Variants in TBC1D5 observed in about 807,000 individuals in gnomAD.
TBC1D5 encodes the protein TBC1 domain family, member 5.
TBC1D5 carries 75 observed loss-of-function variants against 100.3 expected under a neutral mutation model. The ratio of observed to expected loss-of-function variants is 0.75; its 90% CI spans 0.62 to 0.91. The LOEUF (loss-of-function observed/expected upper bound fraction) is 0.91, where lower values mean the gene tolerates loss of function less well. Ranked by LOEUF, TBC1D5 falls within the 40% of genes least tolerant of loss-of-function variation. The pLI, the probability that TBC1D5 is intolerant of heterozygous loss-of-function variation, is 0.00. For missense variants in TBC1D5, 910 were observed against 942.4 expected, an observed-to-expected ratio of 0.97 and a Z score of 0.45; for synonymous variants, 323 against 325.6, an observed-to-expected ratio of 0.99 and a Z score of 0.09.
At position 17,263,660 on chromosome 3, in the gene TBC1D5, A is replaced by G. The variant is rs537623587; in HGVS notation, c.1246-5069T>C. ...TGAACATCAAACCCATGGCAGGGAC[A>G]GGCTGAATTTTGGGCAGGTATCTTA... is the stretch of plus-strand genomic sequence containing the variant. On this transcript the variant is annotated intron_variant, in intron 15 of 21. Coordinates refer to ENST00000253692, the Ensembl canonical transcript of TBC1D5. Among the ~76,000 whole-genome samples the G allele has an allele frequency of 8.5e-5, 13 of 152,358 alleles. No homozygotes were observed. The South Asian group carries it at 2.7e-3, about 32-fold the overall frequency.
chr3:17,236,128 T>C (rs143152673), intron 17 of TBC1D5, among the ~76,000 whole-genome samples: 1 of 152,332 alleles, frequency 6.6e-6, no homozygotes, highest in East Asian at 1.9e-4. Context: ...TCTCACTTAC[T>C]GTGATATTAA....
At chr3:17,663,909 A>G (rs1022526117) in intron 1 of TBC1D5, among the ~76,000 whole-genome samples, 2 of 152,214 alleles carry the variant, frequency 1.3e-5, no homozygotes, top group African/African-American at 4.8e-5. Context: ...TATACTATTA[A>G]ATGAAAAAGT....
At chr3:17,555,808 T>TA (rs1298856281) in intron 2 of TBC1D5, among the ~76,000 whole-genome samples, 6 of 152,168 alleles carry the variant, frequency 3.9e-5, no homozygotes, top group Non-Finnish European at 8.8e-5. Flanking sequence ...ATCTCTATTT[T>TA]AATGTTAATG....
At chr3:17,456,925 T>C (rs2095099378) in intron 3 of TBC1D5, among the ~76,000 whole-genome samples, 1 of 152,174 alleles carries the variant, frequency 6.6e-6, no homozygotes, top group South Asian at 2.1e-4. Flanking sequence ...TTATATGATA[T>C]GTCTGAAAAA....
At chr3:17,412,160 G>A (rs928666530) in intron 4 of TBC1D5, among the ~76,000 whole-genome samples, 3 of 152,050 alleles carry the variant, frequency 2.0e-5, no homozygotes, top group African/African-American at 4.8e-5. Context: ...GTACAGAGGG[G>A]AAAGAAATGG....
chr3:17,474,697 C>A (rs938932159), intron 3 of TBC1D5, among the ~76,000 whole-genome samples: 1 of 152,050 alleles, frequency 6.6e-6, no homozygotes, highest in African/African-American at 2.4e-5. Context: ...GCATCATTGA[C>A]ATCGAAAGTA....
chr3:17,547,455 T>C (rs2096429929), intron 2 of TBC1D5, among the ~76,000 whole-genome samples: 1 of 152,152 alleles, frequency 6.6e-6, no homozygotes, highest in Non-Finnish European at 1.5e-5. Flanking sequence ...AGAGAATAAC[T>C]AGCAATGCTT....
intron 3 of TBC1D5, among the ~76,000 whole-genome samples, chr3:17,480,207 G>C (rs1249123307): frequency 6.6e-6 from 1 of 152,128 alleles, no homozygotes; most frequent in Non-Finnish European, 1.5e-5. Flanking sequence ...AGGGTGATGA[G>C]CAGCTAAGGG....
intron 1 of TBC1D5, among the ~76,000 whole-genome samples, chr3:17,705,410 A>C (rs1175034048): frequency 7.1e-6 from 1 of 140,468 alleles, no homozygotes; most frequent in African/African-American, 2.6e-5. Flanking sequence ...CACTTCCCAG[A>C]TGGGGTGGCT....
chr3:17,490,199 T>C (rs543368926), intron 3 of TBC1D5, among the ~76,000 whole-genome samples: 2 of 152,338 alleles, frequency 1.3e-5, no homozygotes, highest in South Asian at 4.1e-4. Context: ...GGGTTGTTTT[T>C]TTCTTGTAAA....
chr3:17,511,390 T>C (rs1286287707), intron 2 of TBC1D5, among the ~76,000 whole-genome samples: 1 of 151,994 alleles, frequency 6.6e-6, no homozygotes, highest in Non-Finnish European at 1.5e-5. Context: ...TCTCAGTAGC[T>C]GAATTTCTTA....
intron 1 of TBC1D5, among the ~76,000 whole-genome samples, chr3:17,669,228 T>C (rs763295158): frequency 6.6e-6 from 1 of 152,196 alleles, no homozygotes; most frequent in Non-Finnish European, 1.5e-5. Context: ...ACGAGTTTGC[T>C]TCCCCTTCCA....
chr3:17,508,355 T>C, intron 3 of TBC1D5, 119 bp downstream of exon 3: 1 of 728,674 alleles, frequency 1.4e-6, no homozygotes, highest in Non-Finnish European at 2.4e-6. Context: ...TACTTAACAC[T>C]GGCCTGCTCA....
intron 14 of TBC1D5, among the ~76,000 whole-genome samples, chr3:17,300,416 A>G (rs189384490): frequency 6.6e-6 from 1 of 152,370 alleles, no homozygotes; most frequent in Non-Finnish European, 1.5e-5. Context: ...TCAATATGAC[A>G]TTGAACATGC....
At chr3:17,220,646 C>T (rs1470361896) in intron 17 of TBC1D5, among the ~76,000 whole-genome samples, 3 of 151,974 alleles carry the variant, frequency 2.0e-5, no homozygotes, top group African/African-American at 4.8e-5. Context: ...CTAGGTTTTT[C>T]ATTTGTTCTT....
intron 16 of TBC1D5, among the ~76,000 whole-genome samples, chr3:17,256,045 AAAC>A (rs919819266): frequency 6.6e-6 from 1 of 152,220 alleles, no homozygotes; most frequent in African/African-American, 2.4e-5. Flanking sequence ...CAAAAAATAA[AAAC>A]AACAAAAAAA....
chr3:17,686,067 A>G (rs1488699910), intron 1 of TBC1D5, among the ~76,000 whole-genome samples: 1 of 152,172 alleles, frequency 6.6e-6, no homozygotes, highest in African/African-American at 2.4e-5. Flanking sequence ...CTGACACACA[A>G]GCTGTTACAA....
At chr3:17,641,765 G>A (rs936565705) in intron 1 of TBC1D5, among the ~76,000 whole-genome samples, 10 of 151,836 alleles carry the variant, frequency 6.6e-5, no homozygotes, top group Non-Finnish European at 7.4e-5. Context: ...TATGTTAATT[G>A]TGCTTTTTGT....
chr3:17,667,799 A>G (rs1185514658), intron 1 of TBC1D5, among the ~76,000 whole-genome samples: 3 of 152,122 alleles, frequency 2.0e-5, no homozygotes, highest in African/African-American at 7.2e-5. Context: ...TATAACAAGT[A>G]TTAAGTTTTT....
Sources: allele counts gnomAD v4.1 joint callset (sites outside exome capture counted in the v4.1 genomes callset), GRCh38; gene constraint gnomAD v4.1.1; transcripts MANE v1.5; gene names NCBI Gene and HGNC (gene_info 2026-07-23, HGNC 2026-07-21).